Variants in LRP6 observed in about 807,000 individuals in gnomAD.
LRP6 encodes low-density lipoprotein receptor-related protein 6.
Under a neutral mutation model 184.1 loss-of-function variants are expected in LRP6, and 43 were observed. The ratio of observed to expected loss-of-function variants is 0.23; its 90% confidence interval spans 0.18 to 0.30. The LOEUF (loss-of-function observed/expected upper bound fraction) is 0.30. Among genes scored for constraint, LRP6 ranks in the 10% least tolerant of loss-of-function variants. The probability of loss-of-function intolerance (pLI) is 1.00; values close to 1 mark genes in which losing one functional copy is unlikely to be tolerated. For synonymous variants in LRP6, 719 were observed against 684.9 expected (o/e 1.05, Z -0.78); for missense variants, 1,571 against 2,005.3 (o/e 0.78, Z 4.14).
chr12:12,210,428 T>A (rs987681582), intron 2 of LRP6, among the ~76,000 whole-genome samples: 2 of 152,214 alleles, frequency 1.3e-5, no homozygotes, highest in African/African-American at 4.8e-5. Flanking sequence ...CTCATTGTTT[T>A]TCCTTCTGTA....
chr12:12,228,664 G>GA (rs2135886224), intron 2 of LRP6, among the ~76,000 whole-genome samples: 2 of 152,318 alleles, frequency 1.3e-5, no homozygotes, highest in Admixed American at 1.3e-4. Flanking sequence ...TCAGGAGTGC[G>GA]AACCTTATTG....
At chr12:12,259,740 T>G (rs1014544249) in intron 1 of LRP6, among the ~76,000 whole-genome samples, 1 of 152,238 alleles carries the variant, frequency 6.6e-6, no homozygotes, top group Non-Finnish European at 1.5e-5. Context: ...CAGCCTGTTC[T>G]TAGATTGCCT....
chr12:12,138,851 CTCTGGAGGAGCAG>C, intron 15 of LRP6: 1 of 1,382,452 alleles, frequency 7.2e-7, no homozygotes, highest in South Asian at 1.1e-5. Context: ...AATGGCACTT[CTCTGGAGGAGCAG>C]TGGTGGTGGA....
intron 5 of LRP6, among the ~76,000 whole-genome samples, chr12:12,181,682 T>C (rs182268553): frequency 2.6e-5 from 4 of 152,332 alleles, no homozygotes; most frequent in African/African-American, 4.8e-5. Context: ...TATGGTTTCA[T>C]TGGAATTAAT....
chr12:12,167,035 G>A (rs1188169645), intron 7 of LRP6, among the ~76,000 whole-genome samples: 2 of 152,140 alleles, frequency 1.3e-5, no homozygotes. Context: ...GGAGTTTGAG[G>A]CTGCAGTGAG....
chr12:12,188,045 A>G (rs1863520291), intron 3 of LRP6, among the ~76,000 whole-genome samples: 1 of 151,998 alleles, frequency 6.6e-6, no homozygotes, highest in Admixed American at 6.6e-5. Context: ...CCCCATCTCT[A>G]CTAAAAATAC....
intron 8 of LRP6, 123 bp downstream of exon 8, chr12:12,164,954 AAG>A: frequency 1.6e-5 from 9 of 559,844 alleles, no homozygotes; most frequent in South Asian, 4.5e-5. Context: ...AAAAAAAAAA[AAG>A]GCGGGGGGGC....
rs147144852 is a variant in LRP6 at position 12,126,809 on chromosome 12, C to A, written c.4194G>T (p.Leu1398Phe). The change falls in exon 20 of 23, where the codon TTG (leucine) becomes TTT (phenylalanine). Residue 1398 changes from leucine to phenylalanine, a missense_variant. Leu to Phe is a conservative substitution (Grantham distance 22). Transcript: ENST00000261349. ...CCCCATCTCCCTTCATACGTGGACACAACATCCTCTGGCAGATAAAGTATA... is the reference window on the plus strand; with the variant it reads ...CCCCATCTCCCTTCATACGTGGACAAAACATCCTCTGGCAGATAAAGTATA... ...GTVYFICQRM[L>F]CPRMKGDGET... 3 of 1,613,968 alleles carry A rather than the reference C, an allele frequency of 1.9e-6. No individual in the cohort carries two copies. Among genetic ancestry groups the A allele is most frequent in the Non-Finnish European group, 2.5e-6 (3 of 1,179,986 alleles).
intron 3 of LRP6, among the ~76,000 whole-genome samples, chr12:12,197,835 A>C (rs1863804537): frequency 6.6e-6 from 1 of 152,180 alleles, no homozygotes; most frequent in African/African-American, 2.4e-5. Context: ...CTTGAGTCCA[A>C]GAGTTCAAGA....
chr12:12,246,307 C>T (rs1256058368), intron 1 of LRP6, among the ~76,000 whole-genome samples: 1 of 151,718 alleles, frequency 6.6e-6, no homozygotes, highest in Non-Finnish European at 1.5e-5. Context: ...GCGCCCGGCC[C>T]CAATTTTATA....
rs1420375480 is a variant in LRP6 at position 12,164,422 on chromosome 12, A to G, written c.1903T>C (p.Leu635=). Residue 635 remains leucine, a synonymous_variant, in exon 9 of 23, where the codon TTG becomes CTG. Transcript: ENST00000261349. Reference sequence around the variant, plus strand: ...CTGATATCTGCTCTCCGTGAAAACAAAAGGAAAGCCTCTGGGACAATGCAG... The same window carrying G: ...CTGATATCTGCTCTCCGTGAAAACAGAAGGAAAGCCTCTGGGACAATGCAG... ...KTCIVPEAFL[L]FSRRADIRRI... The G allele has an allele frequency of 1.2e-6, 2 of 1,614,160 alleles. No homozygotes were observed. The highest frequency in any genetic ancestry group is 4.5e-5 in the East Asian group (2 of 44,884).
chr12:12,201,475 G>C (rs1394429888), intron 3 of LRP6, among the ~76,000 whole-genome samples: 3 of 152,150 alleles, frequency 2.0e-5, no homozygotes, highest in Non-Finnish European at 2.9e-5. Flanking sequence ...GCAAATAGCT[G>C]TGGCTATTTT....
chr12:12,212,372 T>A (rs922783482), intron 2 of LRP6, among the ~76,000 whole-genome samples: 2 of 152,248 alleles, frequency 1.3e-5, no homozygotes, highest in African/African-American at 4.8e-5. Context: ...AGTTATGAGC[T>A]GCTTTTCTTT....
chr12:12,133,987 T>C (rs1200795800), intron 17 of LRP6, among the ~76,000 whole-genome samples: 1 of 152,082 alleles, frequency 6.6e-6, no homozygotes, highest in Non-Finnish European at 1.5e-5. Flanking sequence ...AGAGCTTAAC[T>C]CTTTGTACAT....
chr12:12,147,426 G>C lies in LRP6; in HGVS notation c.3337C>G (p.Leu1113Val). 1 of 1,614,140 alleles carries C rather than the reference G, an allele frequency of 6.2e-7. No individual in the cohort carries two copies. The highest frequency in any genetic ancestry group is 8.5e-7 in the Non-Finnish European group (1 of 1,180,028). ...GAATCAGCCCAAAAGAGCTTGCCCA[G>C]CCTGCTATCAAGGGCTAAAGCAATT... ...KPIALALDSR[L>V]GKLFWADSDL... Residue 1113 changes from leucine (L) to valine (V), a missense_variant, in exon 15 of 23, where the codon CTG (leucine) becomes GTG (valine). Leu to Val is a conservative substitution (Grantham distance 32). This residue lies in a region of LRP6 where 763 missense variants were observed against 859.5 expected (regional missense o/e 0.89). Transcript: ENST00000261349.
intron 2 of LRP6, among the ~76,000 whole-genome samples, chr12:12,214,102 T>A (rs191080254): frequency 1.3e-5 from 2 of 152,150 alleles, no homozygotes; most frequent in Non-Finnish European, 2.9e-5. Flanking sequence ...AACTCCCTGC[T>A]AATACCTATT....
At chr12:12,205,325 CAAACAAAAAAAAAAAA>C (rs1420688838) in intron 2 of LRP6, among the ~76,000 whole-genome samples, 311 of 26,242 alleles carry the variant, frequency 0.012, 2 homozygotes, top group Non-Finnish European at 0.022. Flanking sequence ...CTGTCTCAAA[CAAACAAAAAAAAAAAA>C]AAAAAAAAAA....
intron 9 of LRP6, among the ~76,000 whole-genome samples, chr12:12,163,960 T>C (rs922721281): frequency 6.6e-6 from 1 of 152,076 alleles, no homozygotes; most frequent in Non-Finnish European, 1.5e-5. Flanking sequence ...TGAAACCCCG[T>C]CACTACTAAA....
At chr12:12,189,536 T>G (rs1034379174) in intron 3 of LRP6, among the ~76,000 whole-genome samples, 8 of 152,150 alleles carry the variant, frequency 5.3e-5, no homozygotes, top group African/African-American at 1.9e-4. Context: ...AGTCTTGATC[T>G]TGTCACCCAG....
Sources: gnomAD v4.1 joint callset for allele counts (sites outside exome capture counted in the v4.1 genomes callset) on GRCh38, gnomAD v4.1.1 for gene constraint, gnomAD v4.1.1 regional missense constraint, MANE v1.5 for transcripts, NCBI Gene and HGNC (gene_info 2026-07-23, HGNC 2026-07-21) for gene names.